RBFOX1: variants seen among roughly 807,000 people sequenced by gnomAD.
The protein encoded by RBFOX1 is RNA binding protein fox-1 homolog 1.
In RBFOX1, 8 loss-of-function variants were observed where a neutral mutation model predicts 57.7. That is an observed-to-expected ratio of 0.14 (90% CI 0.08 to 0.25). RBFOX1 has a LOEUF of 0.25. Among genes scored for constraint, RBFOX1 ranks in the 10% least tolerant of loss-of-function variants. RBFOX1 has a pLI of 1.00. For missense variants in RBFOX1, 611 were observed against 548.5 expected (o/e 1.11, Z -1.14); for synonymous variants, 326 against 222.4 (o/e 1.47, Z -4.15).
intron 2 of RBFOX1, among the ~76,000 whole-genome samples, chr16:6,450,785 A>ACG (rs1567302860): frequency 2.6e-4 from 14 of 54,532 alleles, no homozygotes; most frequent in Non-Finnish European, 3.2e-4. Flanking sequence ...ATATATATAT[A>ACG]TATACATATA....
intron 1 of RBFOX1, among the ~76,000 whole-genome samples, chr16:6,254,318 A>G (rs761403978): frequency 1.3e-5 from 2 of 152,186 alleles, no homozygotes; most frequent in Non-Finnish European, 2.9e-5. Context: ...AACAATATAA[A>G]TATCTATCTA....
chr16:6,164,738 A>C (rs1251195380), intron 1 of RBFOX1, among the ~76,000 whole-genome samples: 2 of 152,066 alleles, frequency 1.3e-5, no homozygotes, highest in South Asian at 2.1e-4. Flanking sequence ...TTGGCCTTCC[A>C]AAGTGCTGGT....
chr16:5,706,129 T>C (rs1004653457), intron 3 of RBFOX1, among the ~76,000 whole-genome samples: 1 of 152,232 alleles, frequency 6.6e-6, no homozygotes, highest in Non-Finnish European at 1.5e-5. Context: ...CAGGATGGTC[T>C]TGAACTCCTG....
At chr16:6,539,398 T>G (rs1314834203) in intron 2 of RBFOX1, among the ~76,000 whole-genome samples, 1 of 152,172 alleles carries the variant, frequency 6.6e-6, no homozygotes, top group Non-Finnish European at 1.5e-5. Context: ...ACAGCAGCAC[T>G]CCACATCAAC....
At chr16:7,068,421 A>G (rs770210197) in intron 4 of RBFOX1, among the ~76,000 whole-genome samples, 7 of 152,182 alleles carry the variant, frequency 4.6e-5, no homozygotes, top group Non-Finnish European at 8.8e-5. Flanking sequence ...AAGGTAGCCC[A>G]GGGTGGCCAT....
intron 3 of RBFOX1, among the ~76,000 whole-genome samples, chr16:6,744,377 C>G (rs141686225): frequency 9.0e-4 from 137 of 152,018 alleles, no homozygotes; most frequent in African/African-American, 3.2e-3. Flanking sequence ...AACCCTCTAT[C>G]CTAAAATAGC....
At chr16:5,521,777 A>T (rs17138003) in intron 2 of RBFOX1, among the ~76,000 whole-genome samples, 4,828 of 152,268 alleles carry the variant, frequency 0.032, 280 homozygotes, top group African/African-American at 0.11. Context: ...TCTCATTTCA[A>T]ACTGCACTGC....
At chr16:7,557,619 CAAAAAAAAAA>C (rs1170051114) in intron 5 of RBFOX1, among the ~76,000 whole-genome samples, 3 of 40,762 alleles carry the variant, frequency 7.4e-5, no homozygotes, top group African/African-American at 2.7e-4. Flanking sequence ...GACTCTGTCT[CAAAAAAAAAA>C]AAAAAAAAAA....
intron 3 of RBFOX1, among the ~76,000 whole-genome samples, chr16:5,791,397 C>T (rs921162451): frequency 3.9e-5 from 6 of 152,136 alleles, no homozygotes; most frequent in African/African-American, 9.7e-5. Context: ...AAGGCCTTTA[C>T]ATGCAATCGC....
chr16:5,580,194 G>A (rs1237059514), intron 2 of RBFOX1, among the ~76,000 whole-genome samples: 1 of 152,224 alleles, frequency 6.6e-6, no homozygotes, highest in Non-Finnish European at 1.5e-5. Flanking sequence ...GGTGCCTAGG[G>A]GGACCCCAAC....
At chr16:6,596,983 G>T (rs2097782349) in intron 2 of RBFOX1, among the ~76,000 whole-genome samples, 1 of 152,280 alleles carries the variant, frequency 6.6e-6, no homozygotes, top group East Asian at 1.9e-4. Context: ...GAATGAATGA[G>T]CTCTCGAGAG....
intron 3 of RBFOX1, among the ~76,000 whole-genome samples, chr16:6,663,844 G>A (rs1314629715): frequency 6.6e-6 from 1 of 152,202 alleles, no homozygotes. Context: ...TGCAGAGGAG[G>A]GAGTCTGGAG....
chr16:6,706,506 A>G lies in RBFOX1; in HGVS notation c.-16+51856A>G, dbSNP rs1367288333. ...GGCTGGTAATGAGGCAGGATCACTT[A>G]CTTTGCAGCCGTGTTAATTGTATCT... On this transcript the variant is annotated intron_variant, in intron 3 of 15. Transcript: ENST00000550418. Among the ~76,000 whole-genome samples, 3 of 152,280 alleles carry G rather than the reference A, an allele frequency of 2.0e-5. No individual in the cohort carries two copies. In the East Asian group the frequency reaches 5.8e-4, roughly 29 times the overall value.
At chr16:5,581,411 C>G (rs2046661744) in intron 2 of RBFOX1, among the ~76,000 whole-genome samples, 3 of 152,154 alleles carry the variant, frequency 2.0e-5, no homozygotes, top group Admixed American at 2.0e-4. Context: ...GTGCTTGGTT[C>G]CTGGAGGGAG....
chr16:6,290,815 G>A (rs115729058), intron 1 of RBFOX1, among the ~76,000 whole-genome samples: 3,124 of 152,132 alleles, frequency 0.021, 118 homozygotes, highest in African/African-American at 0.071. Context: ...CCAGAAAGGG[G>A]TCCAAATCCA....
chr16:6,610,213 A>G (rs1009655540), intron 2 of RBFOX1, among the ~76,000 whole-genome samples: 6 of 152,170 alleles, frequency 3.9e-5, no homozygotes, highest in Non-Finnish European at 7.3e-5. Flanking sequence ...GAGTGCATCT[A>G]TGTTTTCTTT....
rs140487681 is a variant in RBFOX1, at chr16:6,675,844, G to A, written c.-16+21194G>A. Among the ~76,000 whole-genome samples, 1,193 of 152,122 alleles carry A rather than the reference G, an allele frequency of 7.8e-3. 17 individuals are homozygous for A. The highest frequency in any genetic ancestry group is 0.027 in the African/African-American group (1,138 of 41,486). On this transcript the variant is annotated intron_variant, in intron 3 of 15. Coordinates refer to ENST00000550418, the MANE Select transcript of RBFOX1 (RefSeq NM_018723.4). ...CACCAGGCCCCTCCCACAACAAATG[G>A]GAATAATGGGAGCTACAGTTCACGA...
intron 3 of RBFOX1, among the ~76,000 whole-genome samples, chr16:6,810,384 G>A (rs560747479): frequency 6.3e-4 from 96 of 152,198 alleles, no homozygotes; most frequent in Admixed American, 1.3e-3. Context: ...TGAAGAGGTA[G>A]GCACATAAAC....
Position 5,720,473 on chromosome 16 carries a change from T to C in RBFOX1, c.318+121512T>C, listed in dbSNP as rs186119052. On this transcript the variant is annotated intron_variant, in intron 3 of 19. Coordinates refer to the RBFOX1 transcript ENST00000641259. ...CGCAATGAACCTATTTTTTCTTTAG[T>C]AGTTTGTGCTTTTATTGTCATATTA... Among the ~76,000 whole-genome samples the C allele has an allele frequency of 1.2e-4, 19 of 152,332 alleles. No individual in the cohort carries two copies. The East Asian group carries it at 3.1e-3, about 25-fold the overall frequency.
Sources: gnomAD v4.1 joint callset for allele counts (sites outside exome capture counted in the v4.1 genomes callset) on GRCh38, gnomAD v4.1.1 for gene constraint, MANE v1.5 for transcripts, NCBI Gene and HGNC (gene_info 2026-07-23, HGNC 2026-07-21) for gene names.